LRMDA: variants seen among roughly 807,000 people sequenced by gnomAD.
LRMDA encodes leucine rich melanocyte differentiation associated.
In LRMDA, 18 loss-of-function variants were observed where a neutral mutation model predicts 29.8. That is an observed-to-expected ratio of 0.60 (90% confidence interval 0.42 to 0.90). The LOEUF (loss-of-function observed/expected upper bound fraction) is 0.90. Ranked by LOEUF, LRMDA falls within the 40% of genes least tolerant of loss-of-function variation. The pLI is 0.00. For synonymous variants in LRMDA, 125 were observed against 109.4 expected (o/e 1.14, Z -0.89); for missense variants, 273 against 273.9 (o/e 1.00, Z 0.02).
At position 76,368,310 on chromosome 10, in the gene LRMDA, T is replaced by C. The variant is rs568725146; in HGVS notation, c.601+43825T>C. Among the ~76,000 whole-genome samples, 3 of 152,332 alleles carry C rather than the reference T, an allele frequency of 2.0e-5. No homozygotes were observed. The South Asian group carries it at 6.2e-4, about 32-fold the overall frequency. On this transcript the variant is annotated intron_variant, in intron 6 of 6. Transcript: ENST00000611255. ...TCAATAGGTTGTGTCACTATTGTCA[T>C]TCAGTTTGAAGCATTTTTTTAATTT...
intron 2 of LRMDA, among the ~76,000 whole-genome samples, chr10:75,647,006 A>G (rs959047296): frequency 6.6e-6 from 1 of 152,186 alleles, no homozygotes; most frequent in Non-Finnish European, 1.5e-5. Context: ...TGATAAATTA[A>G]TTGGTCCTTC....
At chr10:76,531,310 G>T (rs1042584228) in intron 6 of LRMDA, among the ~76,000 whole-genome samples, 7 of 152,120 alleles carry the variant, frequency 4.6e-5, no homozygotes, top group Non-Finnish European at 5.9e-5. Flanking sequence ...ATTCAAGATG[G>T]GAAGATGAGA....
chr10:75,474,633 T>C (rs2132048381), intron 2 of LRMDA, among the ~76,000 whole-genome samples: 1 of 152,340 alleles, frequency 6.6e-6, no homozygotes, highest in African/African-American at 2.4e-5. Context: ...ACAGACCCTC[T>C]GTCAGGTGAC....
intron 2 of LRMDA, among the ~76,000 whole-genome samples, chr10:75,524,477 T>A (rs1406019919): frequency 1.3e-5 from 2 of 152,182 alleles, no homozygotes; most frequent in Non-Finnish European, 2.9e-5. Flanking sequence ...ATTTAGCGTC[T>A]TGGTGTGAGA....
At chr10:75,444,618 CT>C (rs1477992926) in intron 2 of LRMDA, among the ~76,000 whole-genome samples, 2 of 152,108 alleles carry the variant, frequency 1.3e-5, no homozygotes, top group Non-Finnish European at 2.9e-5. Context: ...CATTTTGTCC[CT>C]TGAAATTGAA....
intron 2 of LRMDA, among the ~76,000 whole-genome samples, chr10:75,590,931 A>G (rs921598374): frequency 2.6e-5 from 4 of 151,736 alleles, no homozygotes; most frequent in Non-Finnish European, 4.4e-5. Flanking sequence ...TTTTTAGTAG[A>G]TGGGGTTTCA....
chr10:76,424,410 G>A (rs1278787778), intron 6 of LRMDA, among the ~76,000 whole-genome samples: 2 of 152,114 alleles, frequency 1.3e-5, no homozygotes, highest in African/African-American at 2.4e-5. Context: ...GTGGTGGCAG[G>A]CACCTGTAGT....
intron 5 of LRMDA, among the ~76,000 whole-genome samples, chr10:76,217,637 A>G (rs886211392): frequency 1.3e-5 from 2 of 152,220 alleles, no homozygotes; most frequent in East Asian, 3.8e-4. Context: ...TTACGTTCAC[A>G]CTGCTTTACG....
intron 5 of LRMDA, among the ~76,000 whole-genome samples, chr10:76,203,557 ATACT>A (rs1216454505): frequency 1.3e-5 from 2 of 152,244 alleles, no homozygotes; most frequent in Non-Finnish European, 2.9e-5. Flanking sequence ...ACATTGTGAA[ATACT>A]TACTGGGTTT....
intron 2 of LRMDA, among the ~76,000 whole-genome samples, chr10:75,509,363 T>G (rs1308805589): frequency 6.6e-6 from 1 of 152,244 alleles, no homozygotes; most frequent in African/African-American, 2.4e-5. Flanking sequence ...AAAACTCATA[T>G]TATGCTCAAA....
intron 2 of LRMDA, among the ~76,000 whole-genome samples, chr10:75,938,052 G>A (rs1252765145): frequency 6.6e-6 from 1 of 152,142 alleles, no homozygotes; most frequent in Non-Finnish European, 1.5e-5. Context: ...GGAAATTGTA[G>A]GACAAATAAG....
In LRMDA at chr10:75,839,783, A is replaced by G. The variant is rs867076361; in HGVS notation, c.132-196225A>G. Among the ~76,000 whole-genome samples the G allele has an allele frequency of 1.2e-4, 16 of 135,584 alleles. 1 individual carries two copies. The highest frequency in any genetic ancestry group is 4.4e-4 in the African/African-American group (15 of 34,274). 88.9% of individuals were successfully genotyped at this position (135,584 alleles called of 152,430 possible). A position where few individuals can be genotyped will look rare whatever the true frequency, so the allele number is the denominator to read the frequency against. On this transcript the variant is annotated intron_variant, in intron 2 of 6. Coordinates refer to ENST00000611255, the MANE Select transcript of LRMDA (RefSeq NM_001305581.2). ...GAGTGCAGTGGCACGATCTGGGCTC[A>G]CTGCAAGCTCTTCCTCCCAGGTTCG...
At chr10:76,011,420 C>T (rs1212947142) in intron 2 of LRMDA, among the ~76,000 whole-genome samples, 5 of 152,134 alleles carry the variant, frequency 3.3e-5, no homozygotes, top group Admixed American at 2.6e-4. Context: ...CATCTCGTCT[C>T]CCGTACCTCT....
chr10:75,770,159 T>C (rs1482918529), intron 2 of LRMDA, among the ~76,000 whole-genome samples: 1 of 151,662 alleles, frequency 6.6e-6, no homozygotes, highest in Admixed American at 6.6e-5. Flanking sequence ...GACATGGTGG[T>C]ACACACGTGT....
At chr10:75,892,441 G>C (rs1297222745) in intron 2 of LRMDA, among the ~76,000 whole-genome samples, 1 of 152,102 alleles carries the variant, frequency 6.6e-6, no homozygotes, top group Admixed American at 6.5e-5. Context: ...CTACTTACAG[G>C]TGTTCTTTAA....
intron 2 of LRMDA, among the ~76,000 whole-genome samples, chr10:75,754,695 TA>T (rs1212531361): frequency 6.6e-6 from 1 of 152,218 alleles, no homozygotes; most frequent in Non-Finnish European, 1.5e-5. Context: ...TCAGCATTTT[TA>T]ATAGCTGTTC....
chr10:75,558,721 C>G (rs1840249818), intron 2 of LRMDA, among the ~76,000 whole-genome samples: 1 of 149,654 alleles, frequency 6.7e-6, no homozygotes, highest in Non-Finnish European at 1.5e-5. Flanking sequence ...GTGATGTTCC[C>G]CTTCCTGTGT....
At chr10:75,501,421 T>G (rs560528047) in intron 2 of LRMDA, among the ~76,000 whole-genome samples, 1 of 152,208 alleles carries the variant, frequency 6.6e-6, no homozygotes, top group Non-Finnish European at 1.5e-5. Context: ...TGACCTAAGA[T>G]GTCTGTAAAA....
intron 5 of LRMDA, among the ~76,000 whole-genome samples, chr10:76,314,379 A>G (rs959626094): frequency 6.6e-6 from 1 of 152,134 alleles, no homozygotes; most frequent in African/African-American, 2.4e-5. Flanking sequence ...GTCACACAAC[A>G]TTCTTTTAGG....
Sources: gnomAD v4.1 joint callset for allele counts (sites outside exome capture counted in the v4.1 genomes callset) on GRCh38, gnomAD v4.1.1 for gene constraint, MANE v1.5 for transcripts, NCBI Gene and HGNC (gene_info 2026-07-23, HGNC 2026-07-21) for gene names.